ANTXR2: variants seen among roughly 807,000 people sequenced by gnomAD.
ANTXR2 encodes anthrax toxin receptor 2.
In ANTXR2, 44 loss-of-function variants were observed where a neutral mutation model predicts 73.7. That is an observed-to-expected ratio of 0.60 (90% CI 0.47 to 0.77). ANTXR2 has a LOEUF of 0.77. Among genes scored for constraint, ANTXR2 ranks in the 30% least tolerant of loss-of-function variants. The probability of loss-of-function intolerance (pLI) is 0.00; values close to 1 mark genes in which losing one functional copy is unlikely to be tolerated. For missense variants in ANTXR2, 604 were observed against 592.5 expected (o/e 1.02, Z -0.20); for synonymous variants, 217 against 205.9 (o/e 1.05, Z -0.46).
At chr4:80,067,610 G>T (rs1251191369) in intron 3 of ANTXR2, among the ~76,000 whole-genome samples, 1 of 152,174 alleles carries the variant, frequency 6.6e-6, no homozygotes, top group Non-Finnish European at 1.5e-5. Flanking sequence ...TTTCATAAAG[G>T]CGAGAACTGT....
chr4:79,998,488 C>A (rs1259539273), intron 12 of ANTXR2, among the ~76,000 whole-genome samples: 1 of 151,908 alleles, frequency 6.6e-6, no homozygotes, highest in African/African-American at 2.4e-5. Context: ...TCTGGTTACC[C>A]CAAACTATGC....
intron 16 of ANTXR2, among the ~76,000 whole-genome samples, chr4:79,928,788 G>A (rs889908906): frequency 1.3e-5 from 2 of 151,992 alleles, no homozygotes; most frequent in Non-Finnish European, 2.9e-5. Flanking sequence ...TTATCATGTG[G>A]TCAATTCATT....
At chr4:79,907,598 G>T in intron 16 of ANTXR2, 131 bp from the exon 17 acceptor site, 1 of 978,334 alleles carries the variant, frequency 1.0e-6, no homozygotes, top group Non-Finnish European at 1.5e-6. Flanking sequence ...GAGACATGAA[G>T]TCATAATTTT....
At chr4:80,036,513 A>C (rs931108198) in intron 7 of ANTXR2, among the ~76,000 whole-genome samples, 3 of 152,220 alleles carry the variant, frequency 2.0e-5, no homozygotes, top group Admixed American at 2.0e-4. Context: ...ATAAAAAAGC[A>C]CTTCTGACTG....
At chr4:79,961,605 T>C (rs1222236809) in intron 16 of ANTXR2, among the ~76,000 whole-genome samples, 1 of 151,968 alleles carries the variant, frequency 6.6e-6, no homozygotes, top group African/African-American at 2.4e-5. Context: ...AGGCTAATAT[T>C]TTGTTTGTAT....
intron 14 of ANTXR2, among the ~76,000 whole-genome samples, chr4:79,983,210 T>C (rs1729963118): frequency 6.6e-6 from 1 of 152,136 alleles, no homozygotes; most frequent in Non-Finnish European, 1.5e-5. Flanking sequence ...CTGTTTATAC[T>C]GTTGTTAAGA....
In ANTXR2 at chr4:79,983,871, T is replaced by C; in HGVS notation, c.1179+7A>G. ...TAGCAGCTTCTATTTTTTTTTAAGATACCAACCTCCATTCTTTTAATTCCT... is the reference window on the plus strand; with the variant it reads ...TAGCAGCTTCTATTTTTTTTTAAGACACCAACCTCCATTCTTTTAATTCCT... On this transcript the variant is annotated splice_region_variant and intron_variant, in intron 14 of 16. Coordinates refer to ENST00000403729, the MANE Select transcript of ANTXR2 (RefSeq NM_058172.6). 1 of 1,605,198 alleles carries C rather than the reference T, an allele frequency of 6.2e-7. No individual in the cohort carries two copies. The highest frequency in any genetic ancestry group is 8.5e-7 in the Non-Finnish European group (1 of 1,172,606).
rs1371649624 is a variant in ANTXR2 at position 79,902,422 on chromosome 4, T to A, written c.*5007A>T. 6.6e-6 allele frequency: 1 copy of A among 152,120 alleles called. No individual in the cohort carries two copies. The highest frequency in any genetic ancestry group is 1.5e-5 in the Non-Finnish European group (1 of 68,020). 9.4% of individuals were successfully genotyped at this position (152,120 alleles called of 1,614,324 possible). On this transcript the variant is annotated 3_prime_UTR_variant, in exon 17 of 17. Coordinates refer to ENST00000403729, the MANE Select transcript of ANTXR2 (RefSeq NM_058172.6). Reference sequence around the variant, plus strand: ...TCAATTAAGACTTTTTTTCCAATTTTGACTAAAAAAAGAGGAGTTTAGTAA... The same window carrying A: ...TCAATTAAGACTTTTTTTCCAATTTAGACTAAAAAAAGAGGAGTTTAGTAA...
At chr4:79,920,847 A>T (rs935261119) in intron 16 of ANTXR2, among the ~76,000 whole-genome samples, 1 of 152,146 alleles carries the variant, frequency 6.6e-6, no homozygotes, top group Non-Finnish European at 1.5e-5. Flanking sequence ...TATATTTCAA[A>T]TTCTTAAGAT....
At position 80,053,255 on chromosome 4, in the gene ANTXR2, CACA is replaced by C. The variant is rs200091046; in HGVS notation, c.636+1014_636+1016del. ...CTGCAACTATTCCCTAAAACCTAAACACAACAATATATGTAAACTACAAAAATA... is the reference window on the plus strand; with the variant it reads ...CTGCAACTATTCCCTAAAACCTAAACACAATATATGTAAACTACAAAAATA... On this transcript the variant is annotated intron_variant, in intron 7 of 16. Coordinates refer to ENST00000403729, the MANE Select transcript of ANTXR2 (RefSeq NM_058172.6). Among the ~76,000 whole-genome samples, 193 of 151,796 alleles carry C rather than the reference CACA, an allele frequency of 1.3e-3. 2 individuals are homozygous for C. In the East Asian group the frequency reaches 0.034, roughly 27 times the overall value.
chr4:80,071,818 AAAG>A (rs1359694769), intron 1 of ANTXR2, among the ~76,000 whole-genome samples, 164 bp from the exon 2 acceptor site: 1 of 152,162 alleles, frequency 6.6e-6, no homozygotes, highest in East Asian at 1.9e-4. Context: ...ACCCAGAGTT[AAAG>A]AAGTCAGTCC....
chr4:79,986,053 A>G (rs1048147211), intron 12 of ANTXR2, among the ~76,000 whole-genome samples: 1 of 152,064 alleles, frequency 6.6e-6, no homozygotes, highest in Non-Finnish European at 1.5e-5. Context: ...CATATTGGCC[A>G]GGCTGGTCTC....
chr4:79,926,258 A>G (rs189816569), intron 16 of ANTXR2, among the ~76,000 whole-genome samples: 2 of 152,254 alleles, frequency 1.3e-5, no homozygotes, highest in East Asian at 3.9e-4. Flanking sequence ...GTTAACCATG[A>G]TATTCAATTT....
chr4:79,924,744 C>A (rs971268761), intron 16 of ANTXR2, among the ~76,000 whole-genome samples: 1 of 152,022 alleles, frequency 6.6e-6, no homozygotes, highest in Non-Finnish European at 1.5e-5. Flanking sequence ...AGCTTACTTC[C>A]TTTAAATTTA....
At chr4:80,019,840 A>AG (rs1211219381) in intron 10 of ANTXR2, among the ~76,000 whole-genome samples, 1 of 152,238 alleles carries the variant, frequency 6.6e-6, no homozygotes, top group African/African-American at 2.4e-5. Flanking sequence ...TATAGTTAAA[A>AG]TATAGTTCTT....
In ANTXR2 at chr4:79,952,836, A is replaced by T. The variant is rs374476100; in HGVS notation, c.1428+24785T>A. Among the ~76,000 whole-genome samples the T allele has an allele frequency of 1.3e-4, 19 of 151,808 alleles. 1 individual carries two copies. The highest frequency in any genetic ancestry group is 1.2e-3 in the East Asian group (6 of 5,174). The stretch of plus-strand genomic sequence containing the variant: ...TATTATTATTAATAATAGTAATATT[A>T]TTATTTTATACAACAGAGAGTACAA... On this transcript the variant is annotated intron_variant, in intron 16 of 16. Transcript: ENST00000403729.
intron 16 of ANTXR2, among the ~76,000 whole-genome samples, chr4:79,909,662 A>C (rs997561392): frequency 7.2e-5 from 11 of 152,002 alleles, no homozygotes; most frequent in African/African-American, 1.9e-4. Context: ...AAAAAAATAA[A>C]GAAAAACCTA....
chr4:80,024,806 TA>T, intron 10 of ANTXR2: 2 of 324,086 alleles, frequency 6.2e-6, no homozygotes, highest in Non-Finnish European at 1.2e-5. Flanking sequence ...AAAAGTAGTC[TA>T]AAGGGATATC....
chr4:79,935,190 G>C (rs1164319755), intron 16 of ANTXR2, among the ~76,000 whole-genome samples: 2 of 151,512 alleles, frequency 1.3e-5, no homozygotes, highest in Non-Finnish European at 2.9e-5. Flanking sequence ...TACAAAGGTG[G>C]AGAGTTTAAA....
Sources: allele counts gnomAD v4.1 joint callset (sites outside exome capture counted in the v4.1 genomes callset), GRCh38; gene constraint gnomAD v4.1.1; transcripts MANE v1.5; gene names NCBI Gene and HGNC (gene_info 2026-07-23, HGNC 2026-07-21).